The following ANK3 variants were observed in gnomAD, a reference collection of about 807,000 sequenced individuals.
ANK3 encodes the protein ankyrin-3.
In ANK3, 57 loss-of-function variants were observed where a neutral mutation model predicts 370.9. The observed-to-expected ratio is 0.15, with a 90% CI of 0.12 to 0.19. ANK3 has a LOEUF of 0.19. Ranked by LOEUF, ANK3 falls within the 10% of genes least tolerant of loss-of-function variation. The pLI is 1.00. For synonymous variants in ANK3, 1,929 were observed against 1,946.3 expected (o/e 0.99, Z 0.23); for missense variants, 4,439 against 5,302.1 (o/e 0.84, Z 5.06).
rs756331206 is a variant in ANK3, at chr10:60,208,126, C to T, written c.1104G>A (p.Leu368=). 6.2e-7 allele frequency: 1 copy of T among 1,613,996 alleles called. No individual in the cohort carries two copies. ...AGTGGGCAGCCACGTGTAGGGCAGT[C>T]AGGTAGTCATTGGTGACATCATCCA... ...VPVDDVTNDY[L]TALHVAAHCG... is the part of the protein sequence containing the mutation. The change falls in exon 10 of 44, where the codon CTG becomes CTA. Residue 368 remains leucine (L), a synonymous_variant. Coordinates refer to ENST00000280772, the MANE Select transcript of ANK3 (RefSeq NM_020987.5).
chr10:60,357,955 G>C (rs2058024992), intron 1 of ANK3, among the ~76,000 whole-genome samples: 1 of 151,988 alleles, frequency 6.6e-6, no homozygotes, highest in Non-Finnish European at 1.5e-5. Context: ...ACATCATTCT[G>C]GGCTTCTCTT....
rs765903434 is a variant in ANK3, at chr10:60,076,301, G to T, written c.4580C>A (p.Ser1527Tyr). Residue 1527 changes from serine (S) to tyrosine (Y), a missense_variant, in exon 37 of 44, where the codon TCT becomes TAT. Physicochemically the swap from Ser to Tyr is moderately radical, Grantham distance 144. Transcript: ENST00000280772. ...AKSGFTSLSS[S>Y]SSNTPSASPL... ...AGAAGCTGATGGCGTATTAGAGGAAGAACTTGATAAGGAAGTGAAGCCTGA... is the reference window on the plus strand; with the variant it reads ...AGAAGCTGATGGCGTATTAGAGGAATAACTTGATAAGGAAGTGAAGCCTGA... 1.9e-6 allele frequency: 3 copies of T among 1,613,984 alleles called. No homozygotes were observed. Among genetic ancestry groups the T allele is most frequent in the Non-Finnish European group, 2.5e-6 (3 of 1,179,990 alleles).
chr10:60,600,824 T>C (rs1466838361), intron 2 of ANK3, among the ~76,000 whole-genome samples: 9 of 152,158 alleles, frequency 5.9e-5, no homozygotes, highest in Admixed American at 5.9e-4. Flanking sequence ...GATCAAATAA[T>C]TTGCTGTCAG....
At chr10:60,412,049 T>C (rs2063570640) in intron 2 of ANK3, among the ~76,000 whole-genome samples, 1 of 152,114 alleles carries the variant, frequency 6.6e-6, no homozygotes, top group Non-Finnish European at 1.5e-5. Flanking sequence ...TAAAAGTGGC[T>C]CGTAGAGGGT....
At chr10:60,244,585 A>AAATTCAG (rs1250670992) in intron 7 of ANK3, among the ~76,000 whole-genome samples, 1 of 152,182 alleles carries the variant, frequency 6.6e-6, no homozygotes, top group Non-Finnish European at 1.5e-5. Context: ...TCAGTGTGTG[A>AAATTCAG]TTTACATTTA....
chr10:60,606,375 G>C (rs1453150811), intron 2 of ANK3, among the ~76,000 whole-genome samples: 1 of 151,678 alleles, frequency 6.6e-6, no homozygotes, highest in Non-Finnish European at 1.5e-5. Flanking sequence ...AAGTACACAG[G>C]ATCCTTTCTA....
At chr10:60,157,886 AAGAGAGAG>A (rs59965251) in intron 23 of ANK3, among the ~76,000 whole-genome samples, 1,625 of 132,858 alleles carry the variant, frequency 0.012, 22 homozygotes, top group African/African-American at 0.021. Context: ...GAGAGAGAAA[AAGAGAGAG>A]AGAGAGAGAG....
At chr10:60,716,462 C>T (rs543929958) in intron 1 of ANK3, among the ~76,000 whole-genome samples, 3 of 152,222 alleles carry the variant, frequency 2.0e-5, no homozygotes, top group South Asian at 4.1e-4. Flanking sequence ...CAATCTTCCA[C>T]TCAAGTCATG....
At chr10:60,168,576 T>C (rs1438898041) in intron 21 of ANK3, among the ~76,000 whole-genome samples, 2 of 152,188 alleles carry the variant, frequency 1.3e-5, no homozygotes, top group East Asian at 3.8e-4. Context: ...AGGTTAAATG[T>C]GCAGGACATG....
chr10:60,443,186 G>A (rs76787939), intron 2 of ANK3, among the ~76,000 whole-genome samples: 198 of 152,234 alleles, frequency 1.3e-3, no homozygotes, highest in Non-Finnish European at 2.3e-3. Context: ...TAGGCATTAT[G>A]GCTAAGCTAG....
rs1329574804 is a variant in ANK3, at chr10:60,358,598, C to G, written c.114+30827G>C. On this transcript the variant is annotated intron_variant, in intron 1 of 43. Coordinates refer to ENST00000280772, the MANE Select transcript of ANK3 (RefSeq NM_020987.5). ...TAAAATTCAATACACTCACAGATGG[C>G]TGTCTCATGTCTCAGATTTAGGCTC... Among the ~76,000 whole-genome samples the G allele has an allele frequency of 2.0e-5, 3 of 152,220 alleles. No homozygotes were observed. In the East Asian group the frequency reaches 5.8e-4, roughly 29 times the overall value.
At chr10:60,542,442 G>GT (rs2076871580) in intron 2 of ANK3, among the ~76,000 whole-genome samples, 3 of 151,848 alleles carry the variant, frequency 2.0e-5, no homozygotes, top group African/African-American at 7.2e-5. Flanking sequence ...GCAGGGTTGG[G>GT]TTTTTTGGTT....
At chr10:60,379,289 A>G (rs1483253616) in intron 1 of ANK3, among the ~76,000 whole-genome samples, 2 of 152,126 alleles carry the variant, frequency 1.3e-5, no homozygotes, top group Non-Finnish European at 2.9e-5. Flanking sequence ...AGTACAGCCA[A>G]TATAGAGAAC....
intron 2 of ANK3, among the ~76,000 whole-genome samples, chr10:60,607,281 G>A (rs2133312595): frequency 6.6e-6 from 1 of 152,190 alleles, no homozygotes; most frequent in East Asian, 1.9e-4. Context: ...GATAACCAGA[G>A]CTCAAAGAGG....
intron 1 of ANK3, among the ~76,000 whole-genome samples, chr10:60,645,718 A>T (rs10443928): frequency 0.68 from 103,086 of 151,838 alleles, 35,117 homozygotes; most frequent in South Asian, 0.83. Flanking sequence ...GAGTGAGATT[A>T]TGTCTCAAGA....
At chr10:60,462,678 T>G (rs1217574455) in intron 2 of ANK3, among the ~76,000 whole-genome samples, 1 of 151,960 alleles carries the variant, frequency 6.6e-6, no homozygotes, top group African/African-American at 2.4e-5. Context: ...AGTGGTTTTC[T>G]ACTTAGGATG....
intron 1 of ANK3, among the ~76,000 whole-genome samples, chr10:60,294,077 A>G (rs939381957): frequency 6.6e-6 from 1 of 152,240 alleles, no homozygotes; most frequent in African/African-American, 2.4e-5. Flanking sequence ...ATATATAGCA[A>G]CTGAAAACAG....
chr10:60,610,223 G>A (rs1248596343), intron 2 of ANK3, among the ~76,000 whole-genome samples: 1 of 152,086 alleles, frequency 6.6e-6, no homozygotes, highest in Non-Finnish European at 1.5e-5. Flanking sequence ...GGCAAGGAGG[G>A]CCCCTTTTGT....
intron 40 of ANK3, chr10:60,059,781 C>G (rs1215542888): frequency 6.2e-7 from 1 of 1,614,092 alleles, no homozygotes; most frequent in Non-Finnish European, 8.5e-7. Context: ...TTCCAGTTTG[C>G]TGTCTTCTAA....
Sources: gnomAD v4.1 joint callset for allele counts (sites outside exome capture counted in the v4.1 genomes callset) on GRCh38, gnomAD v4.1.1 for gene constraint, MANE v1.5 for transcripts, NCBI Gene and HGNC (gene_info 2026-07-23, HGNC 2026-07-21) for gene names.